The following FCHSD2 variants were observed in gnomAD, a reference collection of about 807,000 sequenced individuals.
FCHSD2 encodes the protein FCH and double SH3 domains 2.
A neutral mutation model predicts 108.1 loss-of-function variants in FCHSD2; 38 were observed. That is an observed-to-expected ratio of 0.35 (90% CI 0.27 to 0.46). The LOEUF is 0.46. Among genes scored for constraint, FCHSD2 ranks in the 20% least tolerant of loss-of-function variants. The probability of loss-of-function intolerance (pLI) is 1.00; values close to 1 mark genes in which losing one functional copy is unlikely to be tolerated. For synonymous variants in FCHSD2, 279 were observed against 314.7 expected (o/e 0.89, Z 1.20); for missense variants, 751 against 897.8 (o/e 0.84, Z 2.09).
intron 8 of FCHSD2, among the ~76,000 whole-genome samples, chr11:72,957,161 C>T: frequency 6.7e-6 from 1 of 149,708 alleles, no homozygotes; most frequent in Non-Finnish European, 1.5e-5. Flanking sequence ...TTAGGTATAT[C>T]TCCCAGTGCT....
chr11:72,874,784 T>C (rs1289669673), intron 12 of FCHSD2, among the ~76,000 whole-genome samples: 1 of 152,218 alleles, frequency 6.6e-6, no homozygotes, highest in African/African-American at 2.4e-5. Flanking sequence ...TTCAGTTGCT[T>C]ATAAGTTAAA....
chr11:72,969,923 G>T lies in FCHSD2; in HGVS notation c.705+14165C>A, dbSNP rs537367065. 1.2e-3 allele frequency among the ~76,000 whole-genome samples: 178 copies of T among 152,312 alleles called. 1 individual carries two copies. The highest frequency in any genetic ancestry group is 4.1e-3 in the African/African-American group (171 of 41,562). ...CATTATTACAGGAATAGGGGACTGG[G>T]CTCAGAAAAAGACTTGTCTGTGGCC... On this transcript the variant is annotated intron_variant, in intron 8 of 19. Transcript: ENST00000409418.
At chr11:72,871,878 T>A (rs1488828586) in intron 12 of FCHSD2, among the ~76,000 whole-genome samples, 2 of 151,942 alleles carry the variant, frequency 1.3e-5, no homozygotes, top group Non-Finnish European at 2.9e-5. Flanking sequence ...AGGTGTGAAC[T>A]GCTGTGCCCA....
chr11:72,864,179 G>A (rs1306634520), intron 13 of FCHSD2, among the ~76,000 whole-genome samples: 2 of 152,200 alleles, frequency 1.3e-5, no homozygotes, highest in Non-Finnish European at 2.9e-5. Context: ...ACGGGGAAGT[G>A]ATGTTAACAT....
At chr11:72,900,228 CT>C in intron 10 of FCHSD2, 11 of 1,210,164 alleles carry the variant, frequency 9.1e-6, no homozygotes, top group South Asian at 1.3e-5. Context: ...CTTCCCATCC[CT>C]CCCGCCCTTG....
chr11:73,107,160 T>C (rs1449570407), intron 2 of FCHSD2, among the ~76,000 whole-genome samples: 2 of 152,116 alleles, frequency 1.3e-5, no homozygotes, highest in Non-Finnish European at 2.9e-5. Flanking sequence ...CTCTCCGCAA[T>C]TCTTGAGCCT....
At chr11:72,852,476 G>A (rs1861317176) in intron 13 of FCHSD2, among the ~76,000 whole-genome samples, 1 of 152,226 alleles carries the variant, frequency 6.6e-6, no homozygotes, top group South Asian at 2.1e-4. Flanking sequence ...AGTGGGTGGT[G>A]CCAAAATGGC....
chr11:72,899,139 A>G (rs1855477828), intron 10 of FCHSD2, among the ~76,000 whole-genome samples: 2 of 152,380 alleles, frequency 1.3e-5, no homozygotes, highest in African/African-American at 2.4e-5. Flanking sequence ...AAATTAATAT[A>G]GGTAATGCCA....
intron 3 of FCHSD2, among the ~76,000 whole-genome samples, chr11:73,031,861 T>C (rs1238916395): frequency 6.6e-6 from 1 of 152,206 alleles, no homozygotes; most frequent in African/African-American, 2.4e-5. Context: ...TATTAAGTGC[T>C]TTCTATAGGG....
intron 3 of FCHSD2, among the ~76,000 whole-genome samples, chr11:73,026,827 T>C (rs371969922): frequency 6.8e-4 from 103 of 152,170 alleles, no homozygotes; most frequent in African/African-American, 2.3e-3. Context: ...GATCTAATGG[T>C]TTAAAAGTTT....
At chr11:72,850,550 T>C (rs1861258607) in intron 13 of FCHSD2, among the ~76,000 whole-genome samples, 1 of 151,508 alleles carries the variant, frequency 6.6e-6, no homozygotes, top group Non-Finnish European at 1.5e-5. Context: ...AGATGGGGTT[T>C]CACTGTGTTA....
chr11:72,990,340 A>T (rs571329958), intron 5 of FCHSD2, among the ~76,000 whole-genome samples: 1 of 152,286 alleles, frequency 6.6e-6, no homozygotes, highest in South Asian at 2.1e-4. Context: ...AATTTGGGAT[A>T]AACTAAAAAT....
At chr11:72,858,060 CAT>C (rs796762380) in intron 13 of FCHSD2, among the ~76,000 whole-genome samples, 23 of 152,304 alleles carry the variant, frequency 1.5e-4, no homozygotes, top group African/African-American at 5.5e-4. Context: ...ACCCCTAACA[CAT>C]GTTTGGTGCA....
chr11:73,128,843 A>G (rs1443989307), intron 2 of FCHSD2, among the ~76,000 whole-genome samples: 2 of 152,144 alleles, frequency 1.3e-5, no homozygotes, highest in Non-Finnish European at 2.9e-5. Flanking sequence ...GTTACTCTTT[A>G]AAGAATAAGT....
At chr11:73,084,382 C>T (rs1265068990) in intron 2 of FCHSD2, among the ~76,000 whole-genome samples, 1 of 151,856 alleles carries the variant, frequency 6.6e-6, no homozygotes, top group Non-Finnish European at 1.5e-5. Flanking sequence ...TAAGGTATAC[C>T]CTTTTCTTTT....
At chr11:73,052,701 T>C (rs930180746) in intron 3 of FCHSD2, among the ~76,000 whole-genome samples, 5 of 152,188 alleles carry the variant, frequency 3.3e-5, no homozygotes, top group Non-Finnish European at 7.4e-5. Flanking sequence ...ATTCATCTTA[T>C]ATATTCGGTA....
intron 13 of FCHSD2, among the ~76,000 whole-genome samples, chr11:72,864,617 A>C (rs530479221): frequency 6.6e-6 from 1 of 152,322 alleles, no homozygotes; most frequent in South Asian, 2.1e-4. Context: ...AAAATAAATA[A>C]ATAAGAGTAA....
intron 3 of FCHSD2, among the ~76,000 whole-genome samples, chr11:73,021,499 C>T (rs12421091): frequency 6.6e-6 from 1 of 152,002 alleles, no homozygotes; most frequent in Non-Finnish European, 1.5e-5. Flanking sequence ...TAAATGGGAG[C>T]TAAATGATGA....
At chr11:73,084,410 A>G (rs1859766897) in intron 2 of FCHSD2, among the ~76,000 whole-genome samples, 1 of 151,816 alleles carries the variant, frequency 6.6e-6, no homozygotes, top group Non-Finnish European at 1.5e-5. Flanking sequence ...CTTTTTTTAG[A>G]GATAGGGTCT....
Sources: allele counts gnomAD v4.1 joint callset (sites outside exome capture counted in the v4.1 genomes callset), GRCh38; gene constraint gnomAD v4.1.1; transcripts MANE v1.5; gene names NCBI Gene and HGNC (gene_info 2026-07-23, HGNC 2026-07-21).